Variants in RNF216 observed in about 807,000 individuals in gnomAD.
RNF216 encodes the protein ring finger protein 216.
A neutral mutation model predicts 110.8 loss-of-function variants in RNF216; 72 were observed. The observed-to-expected ratio is 0.65, with a 90% CI of 0.54 to 0.79. The LOEUF (loss-of-function observed/expected upper bound fraction) is 0.79, where lower values mean the gene tolerates loss of function less well. Among genes scored for constraint, RNF216 ranks in the 30% least tolerant of loss-of-function variants. The pLI is 0.00. For missense variants in RNF216, 1,342 were observed against 1,141.2 expected (o/e 1.18, Z -2.54); for synonymous variants, 495 against 407.5 (o/e 1.21, Z -2.59).
intron 16 of RNF216, 149 bp downstream of exon 16, chr7:5,623,907 G>A (rs998948155): frequency 1.7e-5 from 11 of 630,772 alleles, no homozygotes; most frequent in Admixed American, 2.9e-5. Flanking sequence ...ATGTGGCCGC[G>A]TGGGTGAAGT....
At chr7:5,706,279 C>T (rs546263992) in intron 13 of RNF216, among the ~76,000 whole-genome samples, 1 of 150,014 alleles carries the variant, frequency 6.7e-6, no homozygotes, top group East Asian at 2.0e-4. Flanking sequence ...ACCCAATTAA[C>T]ACATTTTTAA....
intron 13 of RNF216, among the ~76,000 whole-genome samples, chr7:5,686,831 AG>A (rs1754689572): frequency 6.6e-6 from 1 of 152,174 alleles, no homozygotes; most frequent in Admixed American, 6.5e-5. Context: ...GACTCTCATA[AG>A]GAGTGTGCAA....
chr7:5,753,735 G>A (rs557176754), intron 2 of RNF216, among the ~76,000 whole-genome samples: 34 of 152,290 alleles, frequency 2.2e-4, no homozygotes, highest in South Asian at 1.2e-3. Context: ...AGTGGCTCAC[G>A]CCTGTAATCC....
Position 5,622,828 on chromosome 7 carries a change from G to A in RNF216, c.*32C>T, listed in dbSNP as rs1001189641. ...CCATCCACACTCCTACCCCAAACGGGCTTTGTGCTGCTCAATGGGGATTCG... is the reference window on the plus strand; with the variant it reads ...CCATCCACACTCCTACCCCAAACGGACTTTGTGCTGCTCAATGGGGATTCG... On this transcript the variant is annotated 3_prime_UTR_variant, in exon 17 of 17. Coordinates refer to ENST00000389902, the MANE Select transcript of RNF216 (RefSeq NM_207111.4). 5.8e-6 allele frequency: 9 copies of A among 1,561,756 alleles called. No individual in the cohort carries two copies. Among genetic ancestry groups the A allele is most frequent in the Middle Eastern group, 1.7e-4 (1 of 5,878 alleles).
intron 13 of RNF216, among the ~76,000 whole-genome samples, chr7:5,688,510 C>T (rs957164122): frequency 8.5e-5 from 13 of 152,154 alleles, no homozygotes; most frequent in Admixed American, 3.3e-4. Flanking sequence ...AAACAAAAAG[C>T]AAAAACTCCC....
chr7:5,650,197 A>T (rs1002663017), intron 14 of RNF216, among the ~76,000 whole-genome samples: 2 of 152,166 alleles, frequency 1.3e-5, no homozygotes, highest in Non-Finnish European at 2.9e-5. Context: ...ACTAAGGAAG[A>T]AGCCCAACAT....
In RNF216 at chr7:5,620,865, C is replaced by T. The variant is rs2128553205; in HGVS notation, c.*1995G>A. 1 of 152,426 alleles carries T rather than the reference C, an allele frequency of 6.6e-6. No individual in the cohort carries two copies. The highest frequency in any genetic ancestry group is 2.4e-5 in the African/African-American group (1 of 41,582). The allele number at this position is 152,426 out of a possible 1,614,324, so 9.4% of individuals were successfully genotyped here. ...CTGAGGCTCCCAGGGCCTGAGGTCA[C>T]CTCTTCAGCTGTGATGTCTACAGCC... On this transcript the variant is annotated 3_prime_UTR_variant, in exon 17 of 17. Transcript: ENST00000389902.
chr7:5,716,585 G>T, intron 10 of RNF216, 131 bp downstream of exon 10: 1 of 639,046 alleles, frequency 1.6e-6, no homozygotes, highest in Non-Finnish European at 2.8e-6. Context: ...CTATAACTTG[G>T]CTGAACTGCA....
chr7:5,633,050 G>A (rs1787173341), intron 15 of RNF216, among the ~76,000 whole-genome samples: 1 of 151,696 alleles, frequency 6.6e-6, no homozygotes, highest in African/African-American at 2.4e-5. Context: ...TGCGATCTCT[G>A]CTCACTGCAA....
intron 15 of RNF216, among the ~76,000 whole-genome samples, chr7:5,633,683 G>A (rs536930200): frequency 2.0e-5 from 3 of 152,164 alleles, no homozygotes; most frequent in Non-Finnish European, 2.9e-5. Context: ...TCAGCAGGGC[G>A]CAGAAAGAAC....
At chr7:5,748,026 T>C (rs1430467480) in intron 3 of RNF216, among the ~76,000 whole-genome samples, 1 of 152,046 alleles carries the variant, frequency 6.6e-6, no homozygotes, top group East Asian at 1.9e-4. Flanking sequence ...TAAATTCCTA[T>C]GCTCCAAGAA....
intron 15 of RNF216, among the ~76,000 whole-genome samples, chr7:5,640,208 G>GT (rs1041417363): frequency 1.3e-5 from 2 of 152,014 alleles, no homozygotes; most frequent in African/African-American, 4.8e-5. Flanking sequence ...CTCTCCCCCA[G>GT]TTTTTCATGT....
Position 5,722,491 on chromosome 7 carries a change from C to A in RNF216, c.1505-1319G>T, listed in dbSNP as rs539432195. ...TGTCAGCTCCGCCCCCCGGGGTTCA[C>A]GCCATTCTCCTGCCTCAGCCTCCCG... On this transcript the variant is annotated intron_variant, in intron 8 of 16. Transcript: ENST00000389902. Among the ~76,000 whole-genome samples the A allele has an allele frequency of 1.1e-3, 163 of 151,370 alleles. 1 individual carries two copies. Among genetic ancestry groups the A allele is most frequent in the African/African-American group, 3.6e-3 (148 of 41,278 alleles).
chr7:5,730,070 A>T (rs990240704), intron 6 of RNF216, among the ~76,000 whole-genome samples: 2 of 152,260 alleles, frequency 1.3e-5, no homozygotes, highest in Admixed American at 1.3e-4. Context: ...ACATCTTGAT[A>T]TGAGATCTGG....
chr7:5,627,969 G>C (rs1170804241), intron 15 of RNF216, among the ~76,000 whole-genome samples: 1 of 152,166 alleles, frequency 6.6e-6, no homozygotes, highest in Non-Finnish European at 1.5e-5. Context: ...TCCCTCAGAA[G>C]GGTCTGAGGC....
intron 14 of RNF216, among the ~76,000 whole-genome samples, chr7:5,642,115 T>C (rs1209448119): frequency 6.6e-6 from 1 of 151,726 alleles, no homozygotes; most frequent in East Asian, 1.9e-4. Context: ...TTTAGTACTA[T>C]TACCTTAATG....
intron 5 of RNF216, among the ~76,000 whole-genome samples, chr7:5,736,714 G>A (rs1410170933): frequency 6.6e-6 from 1 of 151,128 alleles, no homozygotes; most frequent in African/African-American, 2.4e-5. Flanking sequence ...GAGACGTGGG[G>A]AGCGCCTCTG....
intron 15 of RNF216, among the ~76,000 whole-genome samples, chr7:5,627,452 C>T (rs999162516): frequency 6.6e-6 from 1 of 152,162 alleles, no homozygotes; most frequent in Non-Finnish European, 1.5e-5. Flanking sequence ...GGGGCAATTT[C>T]ATAGCATTAA....
intron 5 of RNF216, chr7:5,733,046 T>C (rs1479243215): frequency 3.9e-5 from 6 of 152,238 alleles, no homozygotes; most frequent in African/African-American, 1.4e-4. Context: ...CATTTAAAGA[T>C]GCACATAAAG....
Sources: gnomAD v4.1 joint callset for allele counts (sites outside exome capture counted in the v4.1 genomes callset) on GRCh38, gnomAD v4.1.1 for gene constraint, MANE v1.5 for transcripts, NCBI Gene and HGNC (gene_info 2026-07-23, HGNC 2026-07-21) for gene names.